Variants in CCNT2 observed in about 807,000 individuals in gnomAD.
The protein encoded by CCNT2 is cyclin-T2.
In CCNT2, 18 loss-of-function variants were observed where a neutral mutation model predicts 70.0. The observed-to-expected ratio is 0.26, with a 90% confidence interval of 0.18 to 0.38. The LOEUF is 0.38. Ranked by LOEUF, CCNT2 falls within the 10% of genes least tolerant of loss-of-function variation. The probability of loss-of-function intolerance (pLI) is 1.00; values close to 1 mark genes in which losing one functional copy is unlikely to be tolerated. For missense variants in CCNT2, 734 were observed against 890.2 expected (o/e 0.82, Z 2.23); for synonymous variants, 334 against 313.3 (o/e 1.07, Z -0.70).
chr2:134,942,745 TTTTG>T (rs1681667201), intron 5 of CCNT2, 71 bp downstream of exon 5: 2 of 1,457,442 alleles, frequency 1.4e-6, no homozygotes, highest in Non-Finnish European at 1.8e-6. Flanking sequence ...TTGGGTGCTA[TTTTG>T]TTTTTCTAGC....
chr2:134,937,104 A>G (rs1681207139), intron 3 of CCNT2, 135 bp downstream of exon 3: 5 of 546,616 alleles, frequency 9.1e-6, no homozygotes, highest in African/African-American at 3.9e-5. Context: ...TAGGAATGCA[A>G]TGCCAGGAAG....
chr2:134,952,304 C>G (rs1682572366), intron 7 of CCNT2, among the ~76,000 whole-genome samples: 1 of 151,854 alleles, frequency 6.6e-6, no homozygotes, highest in South Asian at 2.1e-4. Context: ...TTTAAAGAAT[C>G]TTTTGATAGA....
At chr2:134,935,087 C>G (rs188405957) in intron 2 of CCNT2, among the ~76,000 whole-genome samples, 2 of 152,302 alleles carry the variant, frequency 1.3e-5, no homozygotes, top group East Asian at 3.8e-4. Flanking sequence ...GAACAACAGC[C>G]ACATAGTGCT....
At chr2:134,942,946 T>C (rs912843659) in intron 5 of CCNT2, 84 of 984,142 alleles carry the variant, frequency 8.5e-5, no homozygotes, top group Non-Finnish European at 9.7e-5. Context: ...CATCCCCCAT[T>C]GAGCTTTGCT....
chr2:134,927,590 A>G (rs1357820674), intron 2 of CCNT2, among the ~76,000 whole-genome samples: 1 of 152,232 alleles, frequency 6.6e-6, no homozygotes, highest in East Asian at 1.9e-4. Context: ...AAGGCATGCA[A>G]ATGTCTCAGT....
chr2:134,919,802 C>T lies in CCNT2; in HGVS notation c.159-8C>T, dbSNP rs373830169. 7 of 1,594,842 alleles carry T rather than the reference C, an allele frequency of 4.4e-6. No homozygotes were observed. Among genetic ancestry groups the T allele is most frequent in the Non-Finnish European group, 5.1e-6 (6 of 1,167,288 alleles). ...TTTGTCAGATATTTCCTAAATATTACGTTCCAGCTCTCAGCTTACAATAAA... is the reference window on the plus strand; with the variant it reads ...TTTGTCAGATATTTCCTAAATATTATGTTCCAGCTCTCAGCTTACAATAAA... On this transcript the variant is annotated splice_region_variant and splice_polypyrimidine_tract_variant and intron_variant, in intron 1 of 8. Coordinates refer to ENST00000264157, the MANE Select transcript of CCNT2 (RefSeq NM_058241.3).
chr2:134,944,137 TTCA>T (rs1234091721), intron 5 of CCNT2: 50 of 984,226 alleles, frequency 5.1e-5, no homozygotes, highest in Non-Finnish European at 5.8e-5. Flanking sequence ...GTTCCTGTTC[TTCA>T]TGGTTATATC....
At chr2:134,944,819 A>G (rs936991350) in intron 5 of CCNT2, 16 of 985,232 alleles carry the variant, frequency 1.6e-5, no homozygotes, top group Non-Finnish European at 6.0e-6. Context: ...TCTGTTGCAC[A>G]GTGACTGTTT....
chr2:134,929,615 G>A (rs1346718334), intron 2 of CCNT2, among the ~76,000 whole-genome samples: 1 of 136,294 alleles, frequency 7.3e-6, no homozygotes, highest in African/African-American at 2.8e-5. Flanking sequence ...CTCAAAAACA[G>A]AGAGAGAGAG....
chr2:134,918,909 G>C lies in CCNT2; in HGVS notation c.55G>C (p.Glu19Gln). 6.2e-7 allele frequency: 1 copy of C among 1,614,080 alleles called. No homozygotes were observed. The highest frequency in any genetic ancestry group is 8.5e-7 in the Non-Finnish European group (1 of 1,179,952). Reference protein sequence around the residue: ...SRWFFTREQLENTPSRRCGVE... With the variant: ...SRWFFTREQLQNTPSRRCGVE... The stretch of plus-strand genomic sequence containing the variant: ...CTGGTTCTTTACTCGGGAACAGCTG[G>C]AGAACACGCCGAGCCGCCGCTGCGG... Residue 19 changes from glutamate to glutamine, a missense_variant, in exon 1 of 9, where the codon GAG (glutamate) becomes CAG (glutamine). Glu to Gln is a conservative substitution (Grantham distance 29). Transcript: ENST00000264157.
rs779683041 is a variant in CCNT2, at chr2:134,918,897, CG to C, written c.46del (p.Glu16AsnfsTer43). On this transcript the variant is annotated frameshift_variant, in exon 1 of 9. Transcript: ENST00000264157. LOFTEE classifies it high-confidence loss of function. ...AGCTTCTTCTCGCTGGTTCTTTACT[CG>C]GGAACAGCTGGAGAACACGCCGAGC... ...RGASSRWFFT[R>X]EQLENTPSRR... The C allele has an allele frequency of 6.2e-7, 1 of 1,613,940 alleles. No homozygotes were observed. Among genetic ancestry groups the C allele is most frequent in the Non-Finnish European group, 8.5e-7 (1 of 1,179,906 alleles).
intron 4 of CCNT2, among the ~76,000 whole-genome samples, chr2:134,940,187 T>G (rs1475953541): frequency 6.6e-6 from 1 of 152,212 alleles, no homozygotes; most frequent in African/African-American, 2.4e-5. Flanking sequence ...TGACAGACTC[T>G]TCGTTACAAA....
At chr2:134,942,890 C>A in intron 5 of CCNT2, 1 of 1,338,498 alleles carries the variant, frequency 7.5e-7, no homozygotes, top group South Asian at 1.9e-5. Flanking sequence ...GTAAGAATCT[C>A]ATTTCACTAA....
chr2:134,938,850 T>A, intron 3 of CCNT2, 152 bp from the exon 4 acceptor site: 1 of 546,542 alleles, frequency 1.8e-6, no homozygotes, highest in Non-Finnish European at 3.2e-6. Flanking sequence ...GAATACAGGC[T>A]TTCTCTGTCA....
At chr2:134,924,464 T>C (rs1680133511) in intron 2 of CCNT2, among the ~76,000 whole-genome samples, 1 of 152,146 alleles carries the variant, frequency 6.6e-6, no homozygotes, top group Non-Finnish European at 1.5e-5. Flanking sequence ...TTTTTATTTT[T>C]TTGAGATAGG....
chr2:134,949,082 G>A (rs186308793), intron 7 of CCNT2, among the ~76,000 whole-genome samples: 1 of 152,132 alleles, frequency 6.6e-6, no homozygotes, highest in Non-Finnish European at 1.5e-5. Context: ...GCGCAGTGGT[G>A]CAACCTGGGC....
chr2:134,941,192 C>T (rs1314321361), intron 4 of CCNT2, among the ~76,000 whole-genome samples: 1 of 152,168 alleles, frequency 6.6e-6, no homozygotes, highest in Non-Finnish European at 1.5e-5. Context: ...TAAAGTTACA[C>T]CAGGTGTTGC....
At chr2:134,931,733 A>G (rs528873351) in intron 2 of CCNT2, among the ~76,000 whole-genome samples, 2 of 152,252 alleles carry the variant, frequency 1.3e-5, no homozygotes, top group Non-Finnish European at 2.9e-5. Flanking sequence ...GTGCAATGTT[A>G]ATGTTCTTGT....
chr2:134,942,599 C>T lies in CCNT2; in HGVS notation c.431-13C>T. On this transcript the variant is annotated splice_polypyrimidine_tract_variant and intron_variant, in intron 4 of 8. Coordinates refer to ENST00000264157, the MANE Select transcript of CCNT2 (RefSeq NM_058241.3). ...TGGTAAGAGATTGGAAAAAAAAGTG[C>T]TTATCATTTCAGGTTTTGAGATCAC... The T allele has an allele frequency of 6.2e-7, 1 of 1,606,268 alleles. No individual in the cohort carries two copies. The highest frequency in any genetic ancestry group is 8.5e-7 in the Non-Finnish European group (1 of 1,175,654).
Sources: allele counts gnomAD v4.1 joint callset (sites outside exome capture counted in the v4.1 genomes callset), GRCh38; gene constraint gnomAD v4.1.1; transcripts MANE v1.5; gene names NCBI Gene and HGNC (gene_info 2026-07-23, HGNC 2026-07-21).